Variants in MAD1L1 observed in about 807,000 individuals in gnomAD.
The protein encoded by MAD1L1 is mitotic arrest deficient 1 like 1, also known as mitotic spindle assembly checkpoint protein MAD1.
In MAD1L1, 95 loss-of-function variants were observed where a neutral mutation model predicts 96.9. That is an observed-to-expected ratio of 0.98 (90% CI 0.83 to 1.16). The LOEUF (loss-of-function observed/expected upper bound fraction) is 1.16, where lower values mean the gene tolerates loss of function less well. Ranked by LOEUF, MAD1L1 falls within the 50% of genes most tolerant of loss-of-function variation. The probability of loss-of-function intolerance (pLI) is 0.00; values close to 1 mark genes in which losing one functional copy is unlikely to be tolerated. For missense variants in MAD1L1, 1,007 were observed against 954.4 expected (o/e 1.06, Z -0.73); for synonymous variants, 473 against 396.6 (o/e 1.19, Z -2.29).
At chr7:1,972,143 G>A (rs564312923) in intron 15 of MAD1L1, among the ~76,000 whole-genome samples, 1 of 152,314 alleles carries the variant, frequency 6.6e-6, no homozygotes, top group South Asian at 2.1e-4. Flanking sequence ...TCATATGTGT[G>A]GATGTGTGCG....
chr7:1,897,205 G>A (rs924950762), intron 18 of MAD1L1, among the ~76,000 whole-genome samples: 8 of 78,964 alleles, frequency 1.0e-4, no homozygotes, highest in African/African-American at 6.5e-4. Flanking sequence ...GCTGTGAGAC[G>A]CTGACGGACA....
At chr7:2,067,838 C>T (rs58502956) in intron 12 of MAD1L1, among the ~76,000 whole-genome samples, 3,114 of 152,278 alleles carry the variant, frequency 0.02, 111 homozygotes, top group African/African-American at 0.072. Context: ...GGCACCACCA[C>T]GGCGTCCACC....
At chr7:1,847,211 C>G (rs1279600709) in intron 18 of MAD1L1, 3 of 468,556 alleles carry the variant, frequency 6.4e-6, no homozygotes, top group Non-Finnish European at 1.3e-5. Context: ...GAAGGCCACA[C>G]ATCTTTTCCA....
At chr7:2,145,052 C>T (rs1789226936) in intron 11 of MAD1L1, among the ~76,000 whole-genome samples, 1 of 152,190 alleles carries the variant, frequency 6.6e-6, no homozygotes, top group Non-Finnish European at 1.5e-5. Context: ...ACCCCACCCT[C>T]CTGGAGCGCC....
At chr7:1,861,384 A>G (rs977848416) in intron 18 of MAD1L1, among the ~76,000 whole-genome samples, 3 of 152,216 alleles carry the variant, frequency 2.0e-5, no homozygotes, top group Non-Finnish European at 2.9e-5. Flanking sequence ...ACACGCCTCT[A>G]AACAGAAGCG....
At chr7:2,157,501 G>A (rs1789904579) in intron 10 of MAD1L1, among the ~76,000 whole-genome samples, 1 of 152,186 alleles carries the variant, frequency 6.6e-6, no homozygotes, top group Non-Finnish European at 1.5e-5. Flanking sequence ...GGGAGAGCCG[G>A]TCCCCTACAG....
intron 18 of MAD1L1, among the ~76,000 whole-genome samples, chr7:1,873,466 G>A (rs1785214943): frequency 6.6e-6 from 1 of 151,998 alleles, no homozygotes; most frequent in African/African-American, 2.4e-5. Context: ...GGCAGGTGGG[G>A]AGCCCTGGTG....
At chr7:2,177,804 C>G (rs776536836) in intron 10 of MAD1L1, among the ~76,000 whole-genome samples, 3 of 152,212 alleles carry the variant, frequency 2.0e-5, no homozygotes, top group Non-Finnish European at 4.4e-5. Context: ...GGGATAAACT[C>G]ACAGGCCAGA....
intron 18 of MAD1L1, among the ~76,000 whole-genome samples, chr7:1,841,034 C>T (rs866694591): frequency 2.0e-5 from 3 of 152,194 alleles, no homozygotes; most frequent in Admixed American, 6.5e-5. Flanking sequence ...CCACTGCCGG[C>T]GGCTGGTGGG....
intron 7 of MAD1L1, among the ~76,000 whole-genome samples, chr7:2,217,036 A>G (rs1793321668): frequency 6.6e-6 from 1 of 152,022 alleles, no homozygotes; most frequent in African/African-American, 2.4e-5. Flanking sequence ...GCCCTCGGGG[A>G]GCTCTCCAGG....
intron 17 of MAD1L1, among the ~76,000 whole-genome samples, chr7:1,926,648 T>C (rs535312269): frequency 2.0e-5 from 3 of 152,348 alleles, no homozygotes; most frequent in East Asian, 1.9e-4. Context: ...ATCCCATCAA[T>C]TGATGCAGGA....
At chr7:2,069,147 C>A in intron 12 of MAD1L1, 47 bp downstream of exon 12, 1 of 1,520,826 alleles carries the variant, frequency 6.6e-7, no homozygotes, top group Non-Finnish European at 8.8e-7. Flanking sequence ...TGTGCACTGA[C>A]CCGCAGCTCC....
At chr7:2,125,626 C>T (rs1439450561) in intron 11 of MAD1L1, among the ~76,000 whole-genome samples, 2 of 152,194 alleles carry the variant, frequency 1.3e-5, no homozygotes, top group African/African-American at 4.8e-5. Context: ...GAGGCTGGCT[C>T]GAGGTTTCTG....
chr7:1,855,281 T>C lies in MAD1L1; in HGVS notation c.1999-39053A>G, dbSNP rs539010410. 2.4e-4 allele frequency among the ~76,000 whole-genome samples: 36 copies of C among 152,068 alleles called. No homozygotes were observed. In the South Asian group the frequency reaches 7.2e-3, roughly 31 times the overall value. On this transcript the variant is annotated intron_variant, in intron 18 of 18. Coordinates refer to ENST00000265854, the MANE Select transcript of MAD1L1 (RefSeq NM_001013836.2). Reference sequence around the variant, plus strand: ...CCACACGAGCCTCCCTATCAAACGGTTGCGGGCCACACCCTAGGGTTCTCT... The same window carrying C: ...CCACACGAGCCTCCCTATCAAACGGCTGCGGGCCACACCCTAGGGTTCTCT...
chr7:1,890,863 T>C (rs567489058), intron 18 of MAD1L1, among the ~76,000 whole-genome samples: 4 of 152,310 alleles, frequency 2.6e-5, no homozygotes, highest in East Asian at 1.9e-4. Flanking sequence ...CTGACGCCCA[T>C]GTTCTCATTT....
chr7:2,094,507 C>G (rs899898136), intron 11 of MAD1L1, among the ~76,000 whole-genome samples: 4 of 152,210 alleles, frequency 2.6e-5, no homozygotes, highest in Non-Finnish European at 4.4e-5. Context: ...AGGGAACAGA[C>G]AGTCATGATG....
intron 18 of MAD1L1, among the ~76,000 whole-genome samples, chr7:1,825,656 G>C (rs1300665340): frequency 1.3e-5 from 2 of 152,238 alleles, no homozygotes; most frequent in African/African-American, 2.4e-5. Context: ...AACAGTGCTG[G>C]GCAGTCTCAC....
chr7:2,029,260 C>T (rs964474629), intron 12 of MAD1L1, among the ~76,000 whole-genome samples: 4 of 152,134 alleles, frequency 2.6e-5, no homozygotes, highest in African/African-American at 7.2e-5. Context: ...AAAATTATGA[C>T]GTGATATACC....
intron 11 of MAD1L1, among the ~76,000 whole-genome samples, chr7:2,139,066 C>T (rs887607691): frequency 6.6e-6 from 1 of 152,094 alleles, no homozygotes; most frequent in East Asian, 1.9e-4. Flanking sequence ...GCCCCGGTAC[C>T]GAGGCCAGAG....
Sources: allele counts gnomAD v4.1 joint callset (sites outside exome capture counted in the v4.1 genomes callset), GRCh38; gene constraint gnomAD v4.1.1; transcripts MANE v1.5; gene names NCBI Gene and HGNC (gene_info 2026-07-23, HGNC 2026-07-21).